The following PAFAH2 variants were observed in gnomAD, a reference collection of about 807,000 sequenced individuals.
PAFAH2 encodes platelet-activating factor acetylhydrolase 2, cytoplasmic.
A neutral mutation model predicts 49.0 loss-of-function variants in PAFAH2; 42 were observed. That is an observed-to-expected ratio of 0.86 (90% CI 0.67 to 1.11). The LOEUF (loss-of-function observed/expected upper bound fraction) is 1.11. PAFAH2 is among the 50% of genes least tolerant of loss of function. The probability of loss-of-function intolerance (pLI) is 0.00; values close to 1 mark genes in which losing one functional copy is unlikely to be tolerated. For missense variants in PAFAH2, 503 were observed against 501.8 expected, an observed-to-expected ratio of 1.00 and a Z score of -0.02; for synonymous variants, 184 against 181.3, an observed-to-expected ratio of 1.01 and a Z score of -0.12.
At chr1:25,995,102 T>G in intron 1 of PAFAH2, among the ~76,000 whole-genome samples, 1 of 152,202 alleles carries the variant, frequency 6.6e-6, no homozygotes, top group African/African-American at 2.4e-5. Context: ...TACCTTCTTT[T>G]GCTCACTTTG....
In PAFAH2 at chr1:25,995,651, A is replaced by G. The variant is rs1203598736; in HGVS notation, c.-48+2374T>C. On this transcript the variant is annotated intron_variant, in intron 1 of 10. Transcript: ENST00000374282. Reference sequence around the variant, plus strand: ...CTTGCTATAATCCCCATGGCCACCCAGAAGCATGTTCCTATCACTAGACTT... The same window carrying G: ...CTTGCTATAATCCCCATGGCCACCCGGAAGCATGTTCCTATCACTAGACTT... Among the ~76,000 whole-genome samples, 9 of 152,332 alleles carry G rather than the reference A, an allele frequency of 5.9e-5. No individual in the cohort carries two copies. The East Asian group carries it at 1.5e-3, about 26-fold the overall frequency.
At chr1:25,989,674 G>A (rs2049845846) in intron 2 of PAFAH2, 73 bp from the exon 3 acceptor site, 2 of 1,259,016 alleles carry the variant, frequency 1.6e-6, no homozygotes, top group South Asian at 2.5e-5. Context: ...ACACTCAGCA[G>A]GTGTTTGGGG....
intron 1 of PAFAH2, among the ~76,000 whole-genome samples, chr1:25,991,532 T>G (rs950110223): frequency 1.2e-4 from 18 of 147,798 alleles, no homozygotes; most frequent in African/African-American, 4.2e-4. Flanking sequence ...TCTACCCACT[T>G]TGGCCTCCCA....
intron 10 of PAFAH2, 131 bp from the exon 11 acceptor site, chr1:25,962,214 G>T: frequency 3.1e-6 from 2 of 645,658 alleles, no homozygotes; most frequent in African/African-American, 1.8e-5. Flanking sequence ...GTTTTGGTGG[G>T]GTTGTGTGGT....
chr1:25,962,043 T>C lies in PAFAH2; in HGVS notation c.1125A>G (p.Glu375=). ...EDYNQWNNLI[E]GIGPSLTPGA... The stretch of plus-strand genomic sequence containing the variant: ...CTGGGGTGAGCGACGGTCCAATGCC[T>C]TCAATAAGGTTGTTCCATTGATTAT... The change falls in exon 11 of 11, where the codon GAA becomes GAG. Residue 375 remains glutamate, a synonymous_variant. Transcript: ENST00000374282. The C allele has an allele frequency of 6.2e-7, 1 of 1,613,964 alleles. No individual in the cohort carries two copies. Among genetic ancestry groups the C allele is most frequent in the African/African-American group, 1.3e-5 (1 of 74,992 alleles).
At chr1:25,971,169 T>C (rs1370600638) in intron 10 of PAFAH2, among the ~76,000 whole-genome samples, 1 of 152,036 alleles carries the variant, frequency 6.6e-6, no homozygotes, top group Non-Finnish European at 1.5e-5. Flanking sequence ...TAGAGTTAAG[T>C]CAAACCTTTG....
chr1:25,988,449 C>G (rs1255601050), intron 3 of PAFAH2, 122 bp from the exon 4 acceptor site: 1 of 696,744 alleles, frequency 1.4e-6, no homozygotes, highest in East Asian at 2.8e-5. Flanking sequence ...CCATCGGCCC[C>G]TGAGCAGCTC....
At chr1:25,993,755 A>C (rs2992055) in intron 1 of PAFAH2, among the ~76,000 whole-genome samples, 147,722 of 152,098 alleles carry the variant, frequency 0.97, 71,889 homozygotes, top group East Asian at 1. Context: ...GAGGTCTGCA[A>C]ATGGAAGACC....
chr1:25,963,389 T>C (rs1459919154), intron 10 of PAFAH2, among the ~76,000 whole-genome samples: 1 of 151,610 alleles, frequency 6.6e-6, no homozygotes, highest in African/African-American at 2.4e-5. Context: ...ATAATAACTA[T>C]ATAGGATGTG....
rs1174782187 is a variant in PAFAH2, at chr1:25,961,967, C to A, written c.*22G>T. On this transcript the variant is annotated 3_prime_UTR_variant, in exon 11 of 11. Coordinates refer to ENST00000374282, the MANE Select transcript of PAFAH2 (RefSeq NM_000437.4). ...CCAAATGAAAACTTGGCTGAAGTGACTTTACAAATGGCCAGTTGTGCCTAC... is the reference window on the plus strand; with the variant it reads ...CCAAATGAAAACTTGGCTGAAGTGAATTTACAAATGGCCAGTTGTGCCTAC... 1 of 1,603,428 alleles carries A rather than the reference C, an allele frequency of 6.2e-7. No individual in the cohort carries two copies. Among genetic ancestry groups the A allele is most frequent in the Non-Finnish European group, 8.5e-7 (1 of 1,171,464 alleles).
intron 6 of PAFAH2, 116 bp downstream of exon 6, chr1:25,983,830 C>T (rs1159876315): frequency 8.5e-7 from 1 of 1,170,770 alleles, no homozygotes; most frequent in East Asian, 2.4e-5. Flanking sequence ...ATGTGGCAAA[C>T]TCAGACCCAC....
In PAFAH2 at chr1:25,972,589, C is replaced by A. The variant is rs757053692; in HGVS notation, c.1053G>T (p.Arg351=). 33 of 1,613,796 alleles carry A rather than the reference C, an allele frequency of 2.0e-5. No individual in the cohort carries two copies. The South Asian group carries it at 3.5e-4, about 17-fold the overall frequency. The change falls in exon 10 of 11, where the codon CGG becomes CGT. Residue 351 remains arginine (R), a synonymous_variant. Transcript: ENST00000374282. ...GCTTCTGCAGGAAGGCCAACATGGCCCGTACCATAACCTCCTGCCCTTCAT... is the reference window on the plus strand; with the variant it reads ...GCTTCTGCAGGAAGGCCAACATGGCACGTACCATAACCTCCTGCCCTTCAT... ...DPYEGQEVMV[R]AMLAFLQKHL...
At position 25,984,532 on chromosome 1, in the gene PAFAH2, G is replaced by C; in HGVS notation, c.342-4C>G. Reference sequence around the variant, plus strand: ...GCAGAAGGCTGAATACAAAGTCCTGGAGATTCAAAAAGGAACAAGGAAAAG... The same window carrying C: ...GCAGAAGGCTGAATACAAAGTCCTGCAGATTCAAAAAGGAACAAGGAAAAG... On this transcript the variant is annotated splice_polypyrimidine_tract_variant and splice_region_variant and intron_variant, in intron 4 of 10. Coordinates refer to ENST00000374282, the MANE Select transcript of PAFAH2 (RefSeq NM_000437.4). 6.2e-7 allele frequency: 1 copy of C among 1,613,114 alleles called. No individual in the cohort carries two copies. Among genetic ancestry groups the C allele is most frequent in the Non-Finnish European group, 8.5e-7 (1 of 1,179,264 alleles).
rs1306299176 is a variant in PAFAH2 at position 25,989,528 on chromosome 1, C to T, written c.164G>A (p.Arg55His). The change falls in exon 3 of 11, where the codon CGC becomes CAC. Residue 55 changes from arginine to histidine, a missense_variant. Coordinates refer to ENST00000374282, the MANE Select transcript of PAFAH2 (RefSeq NM_000437.4). The stretch of plus-strand genomic sequence containing the variant: ...GGCCAGGCCAGTGCAGTACTCATAG[C>T]GGGGAATCCACAGGGGCTGCTCCAT... Reference protein sequence around the residue: ...ETMEQPLWIPRYEYCTGLAEY... With the variant: ...ETMEQPLWIPHYEYCTGLAEY... 27 of 1,612,868 alleles carry T rather than the reference C, an allele frequency of 1.7e-5. No homozygotes were observed. Among genetic ancestry groups the T allele is most frequent in the African/African-American group, 5.3e-5 (4 of 74,902 alleles).
At chr1:25,975,745 A>C (rs185535119) in intron 8 of PAFAH2, among the ~76,000 whole-genome samples, 1 of 152,326 alleles carries the variant, frequency 6.6e-6, no homozygotes, top group Admixed American at 6.5e-5. Context: ...CTGAAACAGA[A>C]TCTCTCTAAT....
rs1477782815 is a variant in PAFAH2 at position 25,990,747 on chromosome 1, T to C, written c.70A>G (p.Met24Val). The C allele has an allele frequency of 6.2e-7, 1 of 1,613,822 alleles. No individual in the cohort carries two copies. The highest frequency in any genetic ancestry group is 8.5e-7 in the Non-Finnish European group (1 of 1,179,840). ...GPHLVGCGDV[M>V]EGQNLQGSFF... The stretch of plus-strand genomic sequence containing the variant: ...CTTACCTGGAGATTCTGACCCTCCA[T>C]CACATCCCCACAGCCTACGAGGTGG... Residue 24 changes from methionine to valine, a missense_variant, in exon 2 of 11, where the codon ATG becomes GTG. Coordinates refer to ENST00000374282, the MANE Select transcript of PAFAH2 (RefSeq NM_000437.4).
At position 25,982,473 on chromosome 1, in the gene PAFAH2, T is replaced by G. The variant is rs374151779; in HGVS notation, c.557A>C (p.His186Pro). Residue 186 changes from histidine to proline, a missense_variant, in exon 7 of 11, where the codon CAT becomes CCT. Coordinates refer to ENST00000374282, the MANE Select transcript of PAFAH2 (RefSeq NM_000437.4). ...KEFHVRNPQV[H>P]QRVSECLRVL... ...CCGTAAACACTCGCTTACCCGCTGA[T>G]GCACCTGCAACAGAGACAGTCCCAG... 19 of 1,612,400 alleles carry G rather than the reference T, an allele frequency of 1.2e-5. No homozygotes were observed. Among genetic ancestry groups the G allele is most frequent in the Non-Finnish European group, 1.6e-5 (19 of 1,178,486 alleles).
chr1:25,988,806 C>CAAAAAAAAAAAAA (rs59169423), intron 3 of PAFAH2, among the ~76,000 whole-genome samples: 1 of 54,344 alleles, frequency 1.8e-5, no homozygotes, highest in Non-Finnish European at 3.2e-5. Context: ...TCCATCTCAC[C>CAAAAAAAAAAAAA]AAAAAAAAAA....
intron 9 of PAFAH2, among the ~76,000 whole-genome samples, chr1:25,974,071 A>G (rs923604379): frequency 6.6e-6 from 1 of 152,228 alleles, no homozygotes; most frequent in Non-Finnish European, 1.5e-5. Flanking sequence ...TGATTCTGGT[A>G]TTCATGAAGG....
Sources: allele counts gnomAD v4.1 joint callset (sites outside exome capture counted in the v4.1 genomes callset), GRCh38; gene constraint gnomAD v4.1.1; transcripts MANE v1.5; gene names NCBI Gene and HGNC (gene_info 2026-07-23, HGNC 2026-07-21).